The following DDX10 variants were observed in gnomAD, a reference collection of about 807,000 sequenced individuals.
The protein encoded by DDX10 is DEAD-box helicase 10.
In DDX10, 74 loss-of-function variants were observed where a neutral mutation model predicts 104.3. That is an observed-to-expected ratio of 0.71 (90% CI 0.59 to 0.86). The LOEUF is 0.86. Ranked by LOEUF, DDX10 falls within the 40% of genes least tolerant of loss-of-function variation. DDX10 has a pLI of 0.00. For synonymous variants in DDX10, 351 were observed against 353.4 expected, an observed-to-expected ratio of 0.99 and a Z score of 0.08; for missense variants, 952 against 1,040.0, an observed-to-expected ratio of 0.92 and a Z score of 1.16.
chr11:108,720,235 T>G (rs1448034555), intron 12 of DDX10, among the ~76,000 whole-genome samples: 1 of 152,242 alleles, frequency 6.6e-6, no homozygotes, highest in Non-Finnish European at 1.5e-5. Flanking sequence ...CAGTTTATTA[T>G]TTGTAAGTAT....
chr11:108,720,059 C>T (rs1234964865), intron 12 of DDX10, among the ~76,000 whole-genome samples, 174 bp downstream of exon 12: 1 of 152,192 alleles, frequency 6.6e-6, no homozygotes, highest in African/African-American at 2.4e-5. Context: ...TAAGCCACCA[C>T]ACCCGGCCAG....
intron 13 of DDX10, among the ~76,000 whole-genome samples, chr11:108,812,018 A>AT (rs1017481522): frequency 7.9e-5 from 12 of 151,900 alleles, no homozygotes; most frequent in African/African-American, 2.4e-4. Context: ...GTTCACTTGA[A>AT]TTTTTTTTAT....
At chr11:108,862,016 C>G (rs573759698) in intron 16 of DDX10, among the ~76,000 whole-genome samples, 3 of 152,184 alleles carry the variant, frequency 2.0e-5, no homozygotes, top group South Asian at 2.1e-4. Context: ...ATCTCTCTCT[C>G]TCTCCCTTTC....
rs371780446 is a variant in DDX10 at position 108,870,272 on chromosome 11, G to A, written c.2304+18063G>A. Among the ~76,000 whole-genome samples the A allele has an allele frequency of 2.3e-3, 356 of 152,234 alleles. 4 individuals carry two copies. Among genetic ancestry groups the A allele is most frequent in the South Asian group, 0.017 (81 of 4,820 alleles). ...TAACAGTCTTCTAACTAGTCTGCTA[G>A]TCTTCTTTCTCTTATCCTCCCACTC... is the stretch of plus-strand genomic sequence containing the variant. On this transcript the variant is annotated intron_variant, in intron 16 of 17. Coordinates refer to ENST00000322536, the MANE Select transcript of DDX10 (RefSeq NM_004398.4).
chr11:108,887,875 A>T (rs1863320301), intron 16 of DDX10, among the ~76,000 whole-genome samples: 1 of 152,158 alleles, frequency 6.6e-6, no homozygotes, highest in Non-Finnish European at 1.5e-5. Context: ...AGCCGCGATC[A>T]CACCACTCTC....
In DDX10 at chr11:108,721,697, G is replaced by A. The variant is rs138124723; in HGVS notation, c.1500-1300G>A. On this transcript the variant is annotated intron_variant, in intron 12 of 17. Transcript: ENST00000322536. Reference sequence around the variant, plus strand: ...TTGAGGTATGTAATTTCCTTTAGAAGCCTTTGATACCTAAAGCAGTGCTGT... The same window carrying A: ...TTGAGGTATGTAATTTCCTTTAGAAACCTTTGATACCTAAAGCAGTGCTGT... 9.2e-5 allele frequency among the ~76,000 whole-genome samples: 14 copies of A among 152,232 alleles called. 1 individual carries two copies. In the East Asian group the frequency reaches 2.7e-3, roughly 29 times the overall value.
chr11:108,757,957 GAATT>G (rs1313018900), intron 13 of DDX10, among the ~76,000 whole-genome samples: 12 of 151,962 alleles, frequency 7.9e-5, no homozygotes, highest in Non-Finnish European at 1.6e-4. Flanking sequence ...CTTTAAACCA[GAATT>G]AATTTGACTG....
At chr11:108,822,955 AC>A (rs1339844226) in intron 13 of DDX10, among the ~76,000 whole-genome samples, 1 of 152,204 alleles carries the variant, frequency 6.6e-6, no homozygotes, top group Admixed American at 6.5e-5. Flanking sequence ...AGGTAGGAGC[AC>A]AGACTAGGTT....
chr11:108,767,573 C>T (rs1342037464), intron 13 of DDX10, among the ~76,000 whole-genome samples: 2 of 152,222 alleles, frequency 1.3e-5, no homozygotes, highest in African/African-American at 2.4e-5. Context: ...TAGCAGTTCA[C>T]AACTGCAAAT....
intron 16 of DDX10, among the ~76,000 whole-genome samples, chr11:108,908,735 C>T (rs1365176625): frequency 6.6e-6 from 1 of 152,140 alleles, no homozygotes; most frequent in Non-Finnish European, 1.5e-5. Flanking sequence ...CAGACATTAC[C>T]ATGTACTTTG....
intron 16 of DDX10, among the ~76,000 whole-genome samples, chr11:108,880,234 T>C (rs2553759): frequency 0.96 from 146,165 of 152,196 alleles, 70,490 homozygotes; most frequent in East Asian, 1. Context: ...GCTTGTGCAG[T>C]GGGGGGTGTA....
chr11:108,683,946 A>T (rs539277733), intron 6 of DDX10, among the ~76,000 whole-genome samples: 20 of 152,196 alleles, frequency 1.3e-4, no homozygotes, highest in African/African-American at 3.9e-4. Flanking sequence ...AATTAATGAT[A>T]CTTAACTCAT....
intron 13 of DDX10, among the ~76,000 whole-genome samples, chr11:108,786,375 C>A (rs1181001502): frequency 6.6e-6 from 1 of 152,084 alleles, no homozygotes; most frequent in African/African-American, 2.4e-5. Context: ...TTCAGTTGTT[C>A]AAGTATCGAG....
chr11:108,672,328 G>C (rs2094218243), intron 1 of DDX10, among the ~76,000 whole-genome samples: 1 of 152,120 alleles, frequency 6.6e-6, no homozygotes, highest in Admixed American at 6.5e-5. Context: ...CTTTTTAGCT[G>C]ATAATACCAC....
chr11:108,667,107 C>A (rs536092197), intron 1 of DDX10, among the ~76,000 whole-genome samples: 52 of 152,324 alleles, frequency 3.4e-4, no homozygotes, highest in African/African-American at 1.1e-3. Context: ...GTAAATATTG[C>A]TTTCAACAGG....
At chr11:108,878,595 T>G (rs149643019) in intron 16 of DDX10, among the ~76,000 whole-genome samples, 32 of 152,364 alleles carry the variant, frequency 2.1e-4, no homozygotes, top group Non-Finnish European at 4.4e-4. Context: ...TCAAGTCTTA[T>G]GACAAAGACT....
intron 13 of DDX10, among the ~76,000 whole-genome samples, chr11:108,743,225 A>G (rs2094327450): frequency 6.6e-6 from 1 of 152,232 alleles, no homozygotes; most frequent in Non-Finnish European, 1.5e-5. Flanking sequence ...TTGGTTCAAC[A>G]TATGCAAATC....
intron 13 of DDX10, among the ~76,000 whole-genome samples, chr11:108,745,181 C>A (rs2094330245): frequency 8.6e-6 from 1 of 116,662 alleles, no homozygotes; most frequent in African/African-American, 3.0e-5. Flanking sequence ...TCCCTCCCCT[C>A]CCCTCCCCTT....
At chr11:108,828,854 C>T (rs751573231) in intron 13 of DDX10, among the ~76,000 whole-genome samples, 10 of 152,292 alleles carry the variant, frequency 6.6e-5, no homozygotes, top group Non-Finnish European at 1.0e-4. Context: ...GAACTCCCGA[C>T]GTCAGGTGAT....
Sources: gnomAD v4.1 joint callset for allele counts (sites outside exome capture counted in the v4.1 genomes callset) on GRCh38, gnomAD v4.1.1 for gene constraint, MANE v1.5 for transcripts, NCBI Gene and HGNC (gene_info 2026-07-23, HGNC 2026-07-21) for gene names.